GOSR1: variants seen among roughly 807,000 people sequenced by gnomAD.
The protein encoded by GOSR1 is golgi SNAP receptor complex member 1.
Under a neutral mutation model 35.5 loss-of-function variants are expected in GOSR1, and 21 were observed. The ratio of observed to expected loss-of-function variants is 0.59; its 90% CI spans 0.42 to 0.85. The LOEUF is 0.85. Among genes scored for constraint, GOSR1 ranks in the 40% least tolerant of loss-of-function variants. The pLI, the probability that GOSR1 is intolerant of heterozygous loss-of-function variation, is 0.00. For synonymous variants in GOSR1, 94 were observed against 106.6 expected, an observed-to-expected ratio of 0.88 and a Z score of 0.73; for missense variants, 285 against 309.6, an observed-to-expected ratio of 0.92 and a Z score of 0.60.
At chr17:30,486,281 C>A (rs949841848) in intron 4 of GOSR1, among the ~76,000 whole-genome samples, 2 of 151,968 alleles carry the variant, frequency 1.3e-5, no homozygotes, top group Non-Finnish European at 2.9e-5. Context: ...CTTTGGAGGT[C>A]TGAGGTGGGC....
intron 2 of GOSR1, among the ~76,000 whole-genome samples, chr17:30,481,580 T>G (rs552057219): frequency 2.6e-4 from 39 of 152,098 alleles, no homozygotes; most frequent in African/African-American, 9.2e-4. Flanking sequence ...CCGTGTGGCA[T>G]GTATTTCTTG....
intron 2 of GOSR1, among the ~76,000 whole-genome samples, chr17:30,482,370 A>G (rs1914413296): frequency 6.6e-6 from 1 of 152,226 alleles, no homozygotes; most frequent in African/African-American, 2.4e-5. Flanking sequence ...ATTAATAATA[A>G]TTTTGATAGC....
rs577491861 is a variant in GOSR1, at chr17:30,517,699, G to A, written c.540-2240G>A. 3.3e-5 allele frequency among the ~76,000 whole-genome samples: 5 copies of A among 151,994 alleles called. No individual in the cohort carries two copies. The South Asian group carries it at 1.0e-3, about 32-fold the overall frequency. ...GAATGTTGCTTATCCAAAATACTTG[G>A]GACCAGAAGTCTTGGGGATTTCTGA... On this transcript the variant is annotated intron_variant, in intron 7 of 8. Coordinates refer to ENST00000451249, the MANE Select transcript of GOSR1 (RefSeq NM_001007025.2).
At chr17:30,500,291 T>G (rs890283004) in intron 6 of GOSR1, among the ~76,000 whole-genome samples, 6 of 151,972 alleles carry the variant, frequency 3.9e-5, no homozygotes, top group Admixed American at 1.3e-4. Context: ...CTTTCAGGAG[T>G]TTTAGTTTTA....
intron 7 of GOSR1, among the ~76,000 whole-genome samples, chr17:30,516,471 A>AAAAAAAG: frequency 6.9e-6 from 1 of 145,332 alleles, no homozygotes; most frequent in East Asian, 2.0e-4. Flanking sequence ...CTCCGTCTCA[A>AAAAAAAG]ACAAAAAAAA....
At chr17:30,486,772 A>G (rs187389251) in intron 4 of GOSR1, among the ~76,000 whole-genome samples, 1 of 152,224 alleles carries the variant, frequency 6.6e-6, no homozygotes, top group Non-Finnish European at 1.5e-5. Flanking sequence ...TATATGAATT[A>G]AATAAGAAAT....
chr17:30,481,528 G>T, intron 2 of GOSR1, among the ~76,000 whole-genome samples: 1 of 152,300 alleles, frequency 6.6e-6, no homozygotes, highest in East Asian at 1.9e-4. Flanking sequence ...AAAAATATAA[G>T]TGTCTAATTC....
intron 7 of GOSR1, among the ~76,000 whole-genome samples, chr17:30,514,111 AATT>A (rs1967712725): frequency 6.6e-6 from 1 of 152,206 alleles, no homozygotes; most frequent in African/African-American, 2.4e-5. Context: ...CAAACTGAAA[AATT>A]ATGAATAAGA....
intron 7 of GOSR1, among the ~76,000 whole-genome samples, chr17:30,519,197 A>G (rs1440708456): frequency 6.6e-6 from 1 of 151,934 alleles, no homozygotes; most frequent in African/African-American, 2.4e-5. Context: ...AGTAGCTGGG[A>G]CTACAGGCAC....
At chr17:30,488,750 C>G (rs865881166) in intron 4 of GOSR1, among the ~76,000 whole-genome samples, 1 of 151,642 alleles carries the variant, frequency 6.6e-6, no homozygotes, top group Non-Finnish European at 1.5e-5. Context: ...GTTGGCCAAG[C>G]TGGTCTCGAA....
chr17:30,501,521 G>C (rs140546221), intron 6 of GOSR1, among the ~76,000 whole-genome samples: 1,714 of 151,464 alleles, frequency 0.011, 34 homozygotes, highest in African/African-American at 0.039. Flanking sequence ...TTCCGAGACA[G>C]AGTCTAGCTG....
rs145286021 is a variant in GOSR1 at position 30,477,450 on chromosome 17, G to T, written c.17G>T (p.Ser6Ile). 56 of 1,609,108 alleles carry T rather than the reference G, an allele frequency of 3.5e-5. No individual in the cohort carries two copies. Among genetic ancestry groups the T allele is most frequent in the African/African-American group, 5.4e-5 (4 of 74,766 alleles). ...ACGACAAAGATGGCGGCAGGGACCAGCAGTTACTGGGAAGGTGAGGGCGAG... is the reference window on the plus strand; with the variant it reads ...ACGACAAAGATGGCGGCAGGGACCATCAGTTACTGGGAAGGTGAGGGCGAG... The part of the protein sequence containing the change: MAAGT[S>I]SYWEDLRKQA... Residue 6 changes from serine to isoleucine, a missense_variant, in exon 1 of 9, where the codon AGC (serine) becomes ATC (isoleucine). By Grantham distance (142) the Ser-to-Ile change is moderately radical (BLOSUM62 -2). Around this residue, in one of 3 missense-constraint regions of GOSR1, gnomAD observed 108 missense variants for 98.9 expected, o/e 1.09. Coordinates refer to ENST00000451249, the MANE Select transcript of GOSR1 (RefSeq NM_001007025.2).
rs536792720 is a variant in GOSR1 at position 30,488,734 on chromosome 17, C to T, written c.343-1392C>T. On this transcript the variant is annotated intron_variant, in intron 4 of 8. Transcript: ENST00000451249. ...TGTGTTTTTAGTAGAGACGGGGTTT[C>T]GCCATGTTGGCCAAGCTGGTCTCGA... 5.9e-4 allele frequency among the ~76,000 whole-genome samples: 90 copies of T among 151,814 alleles called. 1 individual carries two copies. The Middle Eastern group carries it at 0.01, about 17-fold the overall frequency.
intron 6 of GOSR1, among the ~76,000 whole-genome samples, chr17:30,494,553 A>C (rs1966921834): frequency 6.6e-6 from 1 of 152,076 alleles, no homozygotes; most frequent in Admixed American, 6.6e-5. Flanking sequence ...AAAAGTATCT[A>C]GTTAATTTTG....
intron 6 of GOSR1, among the ~76,000 whole-genome samples, chr17:30,498,409 G>A (rs967053680): frequency 2.0e-5 from 3 of 152,216 alleles, no homozygotes; most frequent in East Asian, 1.9e-4. Context: ...AATGTGAATC[G>A]GTAGTTCCAG....
rs563377056 is a variant in GOSR1, at chr17:30,496,919, C to T, written c.509+4166C>T. 2.8e-4 allele frequency among the ~76,000 whole-genome samples: 43 copies of T among 152,270 alleles called. 1 individual carries two copies. The highest frequency in any genetic ancestry group is 9.6e-4 in the African/African-American group (40 of 41,556). Reference sequence around the variant, plus strand: ...AGTACTCTCTGATTTATGGGCATGTCATTGATTACAACTAGAATTGCAGAT... The same window carrying T: ...AGTACTCTCTGATTTATGGGCATGTTATTGATTACAACTAGAATTGCAGAT... On this transcript the variant is annotated intron_variant, in intron 6 of 8. Coordinates refer to ENST00000451249, the MANE Select transcript of GOSR1 (RefSeq NM_001007025.2).
intron 7 of GOSR1, among the ~76,000 whole-genome samples, chr17:30,512,558 C>T (rs964820653): frequency 3.9e-5 from 6 of 152,146 alleles, no homozygotes; most frequent in Non-Finnish European, 8.8e-5. Context: ...CATCTTAATA[C>T]ATTTTAGTCT....
At chr17:30,504,558 A>T (rs1211673936) in intron 6 of GOSR1, among the ~76,000 whole-genome samples, 1 of 152,202 alleles carries the variant, frequency 6.6e-6, no homozygotes, top group Non-Finnish European at 1.5e-5. Flanking sequence ...ATGAGACTTT[A>T]TTTGATTCAT....
intron 7 of GOSR1, 92 bp downstream of exon 7, chr17:30,511,001 A>G: frequency 1.3e-6 from 1 of 766,434 alleles, no homozygotes. Flanking sequence ...GAATTAAAGA[A>G]AAAACATTTT....
Sources: gnomAD v4.1 joint callset for allele counts (sites outside exome capture counted in the v4.1 genomes callset) on GRCh38, gnomAD v4.1.1 for gene constraint, gnomAD v4.1.1 regional missense constraint, MANE v1.5 for transcripts, NCBI Gene and HGNC (gene_info 2026-07-23, HGNC 2026-07-21) for gene names.